MB: variants seen among roughly 807,000 people sequenced by gnomAD.
MB encodes myoglobin, also known as nitrite reductase MB.
Under a neutral mutation model 14.5 loss-of-function variants are expected in MB, and 10 were observed. The observed-to-expected ratio is 0.69, with a 90% confidence interval of 0.43 to 1.17. MB has a LOEUF of 1.17. Ranked by LOEUF, MB falls within the 50% of genes most tolerant of loss-of-function variation. The pLI, the probability that MB is intolerant of heterozygous loss-of-function variation, is 0.00. For missense variants in MB, 169 were observed against 192.7 expected (o/e 0.88, Z 0.73); for synonymous variants, 89 against 78.6 (o/e 1.13, Z -0.70).
upstream of MB, chr22:35,617,569 G>T (rs1923177601): frequency 3.0e-6 from 1 of 328,912 alleles, no homozygotes; most frequent in African/African-American, 2.2e-5. Context: ...TGGAAAGAAG[G>T]GGAGGAGGTT....
At chr22:35,616,500 G>C (rs1256550049) in intron 1 of MB, among the ~76,000 whole-genome samples, 1 of 152,088 alleles carries the variant, frequency 6.6e-6, no homozygotes, top group Admixed American at 6.5e-5. Context: ...CCCTAGCCTG[G>C]GCTTCATCAG....
At chr22:35,609,481 ACT>A (rs1922413559) in intron 2 of MB, among the ~76,000 whole-genome samples, 1 of 151,940 alleles carries the variant, frequency 6.6e-6, no homozygotes, top group Non-Finnish European at 1.5e-5. Context: ...GGCAGGCAGG[ACT>A]CTGCGCAATT....
At chr22:35,611,938 G>A (rs781168396) in intron 1 of MB, among the ~76,000 whole-genome samples, 3 of 152,180 alleles carry the variant, frequency 2.0e-5, no homozygotes, top group Middle Eastern at 3.4e-3. Flanking sequence ...GTGGGTGCTG[G>A]TTAAAGGGAG....
chr22:35,610,766 G>A, intron 2 of MB, 118 bp downstream of exon 2: 1 of 754,590 alleles, frequency 1.3e-6, no homozygotes, highest in Non-Finnish European at 2.2e-6. Context: ...GGGGCACAGA[G>A]AAGAGTGGCA....
At chr22:35,610,774 G>T in intron 2 of MB, 110 bp downstream of exon 2, 1 of 806,916 alleles carries the variant, frequency 1.2e-6, no homozygotes, top group Non-Finnish European at 2.0e-6. Context: ...GAGAAGAGTG[G>T]CATAGGTCAT....
At chr22:35,614,745 A>G (rs1012414163) in intron 1 of MB, among the ~76,000 whole-genome samples, 2 of 151,882 alleles carry the variant, frequency 1.3e-5, no homozygotes, top group Admixed American at 6.6e-5. Flanking sequence ...CATTATCATT[A>G]TCATTATCAT....
chr22:35,619,368 C>T (rs1283835658), upstream of MB, among the ~76,000 whole-genome samples: 3 of 152,218 alleles, frequency 2.0e-5, no homozygotes, highest in Non-Finnish European at 4.4e-5. Flanking sequence ...CCCCGCTTTA[C>T]AGCTGTGGGA....
At chr22:35,611,615 C>A (rs1046603758) in intron 1 of MB, among the ~76,000 whole-genome samples, 1 of 152,204 alleles carries the variant, frequency 6.6e-6, no homozygotes, top group African/African-American at 2.4e-5. Context: ...ACTCAGAAAC[C>A]TCTTGCTTGT....
At chr22:35,619,179 G>A (rs551548585), upstream of MB, among the ~76,000 whole-genome samples, 1 of 152,348 alleles carries the variant, frequency 6.6e-6, no homozygotes, top group African/African-American at 2.4e-5. Context: ...AAGGAACTCA[G>A]AGTCTTTTTA....
intron 1 of MB, among the ~76,000 whole-genome samples, chr22:35,611,491 G>A (rs1042944251): frequency 5.3e-5 from 8 of 152,110 alleles, no homozygotes; most frequent in South Asian, 2.1e-4. Context: ...TCCACGCTGC[G>A]ACCATCTCTG....
chr22:35,615,506 T>C (rs1923005739), intron 1 of MB: 1 of 152,306 alleles, frequency 6.6e-6, no homozygotes, highest in African/African-American at 2.4e-5. Context: ...TACAAGTCAC[T>C]GCCTTAGGTC....
chr22:35,614,575 C>G (rs1922916210), intron 1 of MB, among the ~76,000 whole-genome samples: 1 of 151,602 alleles, frequency 6.6e-6, no homozygotes, highest in South Asian at 2.1e-4. Flanking sequence ...TGTGACTTGG[C>G]GTAAGTTACT....
At chr22:35,619,402 C>T (rs1344296866), upstream of MB, among the ~76,000 whole-genome samples, 2 of 152,212 alleles carry the variant, frequency 1.3e-5, no homozygotes, top group Non-Finnish European at 2.9e-5. Flanking sequence ...AAGGATAAGC[C>T]AGTGTTTGGG....
intron 2 of MB, 25 bp from the exon 3 acceptor site, chr22:35,607,468 A>C: frequency 6.2e-7 from 1 of 1,609,646 alleles, no homozygotes; most frequent in Non-Finnish European, 8.5e-7. Flanking sequence ...AGGAGAGAAA[A>C]TGGTCACCAG....
rs374908515 is a variant in MB, at chr22:35,617,319, A to G, written c.-62T>C. On this transcript the variant is annotated 5_prime_UTR_variant, in exon 1 of 3. Coordinates refer to ENST00000397326, the MANE Select transcript of MB (RefSeq NM_005368.3). ...GCTCACTGGGTGTCCTGGCCCCAAC[A>G]GCTGGGGTTTGAGGCTGCCTGGTCC... 39 of 1,396,152 alleles carry G rather than the reference A, an allele frequency of 2.8e-5. No homozygotes were observed. In the African/African-American group the frequency reaches 5.2e-4, roughly 19 times the overall value. 86.5% of individuals were successfully genotyped at this position (1,396,152 alleles called of 1,614,324 possible).
upstream of MB, among the ~76,000 whole-genome samples, chr22:35,619,517 A>G (rs1436546595): frequency 1.3e-5 from 2 of 152,180 alleles, no homozygotes; most frequent in African/African-American, 4.8e-5. Flanking sequence ...AGGTGTAGCC[A>G]GTCATGTTCT....
At chr22:35,622,462 C>T (rs1923533973) in intron 1 of MB, 1 of 152,744 alleles carries the variant, frequency 6.5e-6, no homozygotes, top group Admixed American at 6.5e-5. Context: ...AGCCCCTCAG[C>T]ATCCATCATA....
intron 1 of MB, chr22:35,623,115 CTTTTGCAGGAGACACT>C (rs1238125034): frequency 1.3e-5 from 2 of 152,374 alleles, no homozygotes; most frequent in African/African-American, 2.4e-5. Flanking sequence ...GCAGCCCTTT[CTTTTGCAGGAGACACT>C]TTTACAAGCG....
upstream of MB, among the ~76,000 whole-genome samples, chr22:35,621,026 C>G (rs565183745): frequency 6.6e-6 from 1 of 152,324 alleles, no homozygotes; most frequent in East Asian, 1.9e-4. Context: ...ACTCACACAT[C>G]TCTACAACAG....
Sources: allele counts gnomAD v4.1 joint callset (sites outside exome capture counted in the v4.1 genomes callset), GRCh38; gene constraint gnomAD v4.1.1; transcripts MANE v1.5; gene names NCBI Gene and HGNC (gene_info 2026-07-23, HGNC 2026-07-21).